Variants in NRCAM observed in about 807,000 individuals in gnomAD.
NRCAM encodes the protein NgCAM-related cell adhesion molecule.
NRCAM carries 83 observed loss-of-function variants against 156.5 expected under a neutral mutation model. That is an observed-to-expected ratio of 0.53 (90% CI 0.44 to 0.64). NRCAM has a LOEUF of 0.64. Ranked by LOEUF, NRCAM falls within the 30% of genes least tolerant of loss-of-function variation. The probability of loss-of-function intolerance (pLI) is 0.00; values close to 1 mark genes in which losing one functional copy is unlikely to be tolerated. For missense variants in NRCAM, 1,417 were observed against 1,597.3 expected, an observed-to-expected ratio of 0.89 and a Z score of 1.92; for synonymous variants, 538 against 563.9, an observed-to-expected ratio of 0.95 and a Z score of 0.65.
intron 1 of NRCAM, among the ~76,000 whole-genome samples, chr7:108,437,593 A>G (rs146483486): frequency 6.6e-6 from 1 of 152,290 alleles, no homozygotes; most frequent in East Asian, 1.9e-4. Context: ...AAATTTAAAA[A>G]CAAAACAAAA....
chr7:108,155,103 C>T (rs406524), intron 32 of NRCAM, among the ~76,000 whole-genome samples: 57,511 of 88,940 alleles, frequency 0.65, 15,316 homozygotes, highest in East Asian at 0.75. Flanking sequence ...TATATATATA[C>T]ACACACACAC....
At chr7:108,370,432 T>G (rs1402093330) in intron 2 of NRCAM, among the ~76,000 whole-genome samples, 7 of 152,112 alleles carry the variant, frequency 4.6e-5, no homozygotes, top group Non-Finnish European at 1.0e-4. Flanking sequence ...GGTCTCACTG[T>G]AAAAAGGTCA....
Position 108,324,877 on chromosome 7 carries a change from C to CATTTTTTT in NRCAM, c.-173-12147_-173-12146insAAAAAAAT, listed in dbSNP as rs201240389. On this transcript the variant is annotated intron_variant, in intron 2 of 32. Transcript: ENST00000379028. ...TGTTTGTGTAATATTTGGCACTGTA[C>CATTTTTTT]TTTTTTTTTTTTTTTTTTTTTTTTT... is the stretch of plus-strand genomic sequence containing the variant. Among the ~76,000 whole-genome samples the CATTTTTTT allele has an allele frequency of 1.2e-4, 10 of 82,674 alleles. 1 individual carries two copies. Among genetic ancestry groups the CATTTTTTT allele is most frequent in the African/African-American group, 1.0e-4 (2 of 19,532 alleles). 54.2% of individuals were successfully genotyped at this position (82,674 alleles called of 152,430 possible).
chr7:108,263,590 A>G (rs2096965717), intron 3 of NRCAM, among the ~76,000 whole-genome samples: 1 of 152,238 alleles, frequency 6.6e-6, no homozygotes, highest in African/African-American at 2.4e-5. Context: ...TAATTGCCTC[A>G]AATCATGGTG....
At chr7:108,394,794 CT>C (rs556068138) in intron 2 of NRCAM, among the ~76,000 whole-genome samples, 4 of 151,924 alleles carry the variant, frequency 2.6e-5, no homozygotes, top group East Asian at 1.9e-4. Context: ...CATCCTCAAT[CT>C]TTTTTTTATC....
At chr7:108,450,956 C>T (rs1849585005) in intron 1 of NRCAM, among the ~76,000 whole-genome samples, 1 of 152,130 alleles carries the variant, frequency 6.6e-6, no homozygotes, top group Non-Finnish European at 1.5e-5. Context: ...TGGTGACTCA[C>T]GCTTGTAATC....
chr7:108,452,151 G>A (rs1485500167), intron 1 of NRCAM, among the ~76,000 whole-genome samples: 1 of 152,096 alleles, frequency 6.6e-6, no homozygotes, highest in Admixed American at 6.5e-5. Flanking sequence ...ATTCATTTTG[G>A]TACATCTTCC....
chr7:108,424,396 G>A (rs2154442943), intron 1 of NRCAM, among the ~76,000 whole-genome samples: 1 of 152,346 alleles, frequency 6.6e-6, no homozygotes, highest in African/African-American at 2.4e-5. Context: ...AGGGAAGTCG[G>A]TCAGAGGTGT....
At chr7:108,310,017 C>CT (rs1172585369) in intron 3 of NRCAM, among the ~76,000 whole-genome samples, 12 of 152,240 alleles carry the variant, frequency 7.9e-5, no homozygotes, top group African/African-American at 2.4e-4. Context: ...TGTAACTACC[C>CT]TTCTCCTAAG....
At chr7:108,268,637 G>GGGGT (rs2097209522) in intron 3 of NRCAM, among the ~76,000 whole-genome samples, 2 of 48,590 alleles carry the variant, frequency 4.1e-5, no homozygotes, top group Non-Finnish European at 8.0e-5. Flanking sequence ...GGGGGGGGTT[G>GGGGT]GGGGGGGCGG....
intron 28 of NRCAM, among the ~76,000 whole-genome samples, chr7:108,172,976 G>A (rs2059070966): frequency 7.5e-6 from 1 of 133,544 alleles, no homozygotes. Flanking sequence ...AATCTTATGA[G>A]ATGTTGATTT....
chr7:108,250,032 T>C (rs1348735620), intron 3 of NRCAM, among the ~76,000 whole-genome samples: 2 of 152,238 alleles, frequency 1.3e-5, no homozygotes, highest in African/African-American at 2.4e-5. Context: ...ATATTCACAA[T>C]AGTCAAAATT....
At chr7:108,370,707 G>C (rs951673476) in intron 2 of NRCAM, among the ~76,000 whole-genome samples, 1 of 152,056 alleles carries the variant, frequency 6.6e-6, no homozygotes, top group African/African-American at 2.4e-5. Flanking sequence ...AACATTTGCT[G>C]TATCTATTTC....
chr7:108,231,945 A>G (rs1322449338), intron 7 of NRCAM, among the ~76,000 whole-genome samples: 1 of 152,234 alleles, frequency 6.6e-6, no homozygotes, highest in East Asian at 1.9e-4. Flanking sequence ...TGAAACAAAA[A>G]TGTTTAAAGA....
intron 32 of NRCAM, among the ~76,000 whole-genome samples, chr7:108,155,688 A>C (rs1191232732): frequency 6.6e-6 from 1 of 152,012 alleles, no homozygotes; most frequent in Non-Finnish European, 1.5e-5. Context: ...ACCAAATTCT[A>C]TTGGTTTGAA....
intron 2 of NRCAM, among the ~76,000 whole-genome samples, chr7:108,361,489 C>T (rs1448085933): frequency 6.6e-6 from 1 of 152,202 alleles, no homozygotes. Context: ...GAGGCTGACC[C>T]TCCCCCAAGT....
chr7:108,264,621 C>G (rs898810881), intron 3 of NRCAM, among the ~76,000 whole-genome samples: 1 of 152,194 alleles, frequency 6.6e-6, no homozygotes, highest in East Asian at 1.9e-4. Context: ...TTATACAATA[C>G]CTATCTTTAT....
chr7:108,207,270 C>T (rs2153569032), intron 13 of NRCAM: 1 of 303,108 alleles, frequency 3.3e-6, no homozygotes, highest in Non-Finnish European at 6.1e-6. Context: ...TCATTCTTCC[C>T]ATTATCCATG....
At chr7:108,400,113 G>A (rs1308373261) in intron 1 of NRCAM, among the ~76,000 whole-genome samples, 1 of 152,152 alleles carries the variant, frequency 6.6e-6, no homozygotes, top group Non-Finnish European at 1.5e-5. Flanking sequence ...AAGGCGGTAA[G>A]AAAATATGGC....
Sources: allele counts gnomAD v4.1 joint callset (sites outside exome capture counted in the v4.1 genomes callset), GRCh38; gene constraint gnomAD v4.1.1; transcripts MANE v1.5; gene names NCBI Gene and HGNC (gene_info 2026-07-23, HGNC 2026-07-21).